ADAMTSL1: variants seen among roughly 807,000 people sequenced by gnomAD.
ADAMTSL1 encodes the protein ADAMTS like 1.
A neutral mutation model predicts 201.8 loss-of-function variants in ADAMTSL1; 126 were observed. The ratio of observed to expected loss-of-function variants is 0.62; its 90% CI spans 0.54 to 0.72. ADAMTSL1 has a LOEUF of 0.72. Ranked by LOEUF, ADAMTSL1 falls within the 30% of genes least tolerant of loss-of-function variation. The pLI, the probability that ADAMTSL1 is intolerant of heterozygous loss-of-function variation, is 0.00. For synonymous variants in ADAMTSL1, 1,121 were observed against 903.4 expected (o/e 1.24, Z -4.32); for missense variants, 2,679 against 2,277.8 (o/e 1.18, Z -3.59).
At chr9:18,006,688 T>G (rs769281807) in intron 1 of ADAMTSL1, among the ~76,000 whole-genome samples, 2 of 152,014 alleles carry the variant, frequency 1.3e-5, no homozygotes, top group Non-Finnish European at 2.9e-5. Flanking sequence ...TTGATTTGAT[T>G]AACTTCAGTG....
intron 26 of ADAMTSL1, among the ~76,000 whole-genome samples, chr9:18,903,866 T>C (rs1457616861): frequency 6.6e-6 from 1 of 150,544 alleles, no homozygotes; most frequent in South Asian, 2.1e-4. Context: ...AAAAAAAAAA[T>C]GTATAAGTGG....
chr9:18,108,196 ATTTTTTTTTT>A (rs5896770), intron 1 of ADAMTSL1, among the ~76,000 whole-genome samples: 1 of 125,570 alleles, frequency 8.0e-6, no homozygotes, highest in Non-Finnish European at 1.7e-5. Context: ...AGAGTGTGGA[ATTTTTTTTTT>A]TTTTTTTTTT....
intron 1 of ADAMTSL1, among the ~76,000 whole-genome samples, chr9:17,915,172 C>G (rs1377694208): frequency 6.6e-6 from 1 of 152,196 alleles, no homozygotes; most frequent in Non-Finnish European, 1.5e-5. Flanking sequence ...TTTGCAATGT[C>G]TTCCTCCCTC....
intron 2 of ADAMTSL1, among the ~76,000 whole-genome samples, chr9:18,208,291 C>G (rs1216245590): frequency 6.6e-6 from 1 of 152,094 alleles, no homozygotes; most frequent in African/African-American, 2.4e-5. Flanking sequence ...TTCTCTGTGT[C>G]TTTGGATAGG....
At chr9:18,898,263 G>A (rs1049057228) in intron 26 of ADAMTSL1, among the ~76,000 whole-genome samples, 4 of 152,180 alleles carry the variant, frequency 2.6e-5, no homozygotes, top group Non-Finnish European at 4.4e-5. Context: ...AAGAAGCCGA[G>A]AATCACAATA....
intron 2 of ADAMTSL1, among the ~76,000 whole-genome samples, chr9:18,316,130 T>C (rs1563881868): frequency 1.3e-5 from 2 of 152,132 alleles, no homozygotes; most frequent in East Asian, 3.9e-4. Flanking sequence ...AATGTGCGAA[T>C]AGGTGTGGGT....
intron 3 of ADAMTSL1, among the ~76,000 whole-genome samples, chr9:18,540,351 G>A (rs749009815): frequency 6.6e-6 from 1 of 152,196 alleles, no homozygotes; most frequent in Admixed American, 6.5e-5. Context: ...GCCGAGAAGC[G>A]ATAGTGAATG....
intron 2 of ADAMTSL1, among the ~76,000 whole-genome samples, chr9:18,374,047 A>T (rs561365836): frequency 1.6e-4 from 24 of 152,346 alleles, no homozygotes; most frequent in African/African-American, 5.8e-4. Flanking sequence ...GGAGTTTCAA[A>T]ATCATAAACA....
chr9:18,196,613 T>C (rs559210979), intron 2 of ADAMTSL1, among the ~76,000 whole-genome samples: 15 of 152,086 alleles, frequency 9.9e-5, no homozygotes, highest in South Asian at 8.3e-4. Flanking sequence ...TATTTGGGGG[T>C]GCTCTTCAAA....
At chr9:18,451,260 T>C (rs1820394183) in intron 2 of ADAMTSL1, among the ~76,000 whole-genome samples, 2 of 152,192 alleles carry the variant, frequency 1.3e-5, no homozygotes, top group Non-Finnish European at 2.9e-5. Context: ...CATACCTCAA[T>C]GTAAAGGGCA....
intron 13 of ADAMTSL1, among the ~76,000 whole-genome samples, chr9:18,702,072 A>C (rs1831956444): frequency 6.6e-6 from 1 of 152,162 alleles, no homozygotes; most frequent in African/African-American, 2.4e-5. Flanking sequence ...CAAAAAAGAG[A>C]GCTCGTGCAG....
At chr9:18,237,372 T>A (rs542106515) in intron 2 of ADAMTSL1, among the ~76,000 whole-genome samples, 4 of 152,374 alleles carry the variant, frequency 2.6e-5, no homozygotes, top group African/African-American at 9.6e-5. Context: ...CACTCTGTGT[T>A]GGCCCTTATA....
At chr9:18,762,941 A>G (rs1271819674) in intron 16 of ADAMTSL1, among the ~76,000 whole-genome samples, 2 of 152,160 alleles carry the variant, frequency 1.3e-5, no homozygotes, top group African/African-American at 2.4e-5. Context: ...TAGCTATTGT[A>G]AAGAATATAT....
At chr9:18,544,780 T>C (rs1820373611) in intron 3 of ADAMTSL1, among the ~76,000 whole-genome samples, 1 of 152,226 alleles carries the variant, frequency 6.6e-6, no homozygotes, top group Non-Finnish European at 1.5e-5. Flanking sequence ...AATATTGCCA[T>C]GATCAGTTGT....
At chr9:18,486,059 C>G (rs1821974692) in intron 1 of ADAMTSL1, among the ~76,000 whole-genome samples, 1 of 152,170 alleles carries the variant, frequency 6.6e-6, no homozygotes, top group Non-Finnish European at 1.5e-5. Context: ...TATAAAGTGC[C>G]AGCTGGGTGC....
chr9:18,031,948 T>G (rs758046231), intron 1 of ADAMTSL1, among the ~76,000 whole-genome samples: 3 of 152,138 alleles, frequency 2.0e-5, no homozygotes, highest in Non-Finnish European at 4.4e-5. Context: ...ATTGGTATGG[T>G]GCCCACAGCC....
rs116129228 is a variant in ADAMTSL1, at chr9:18,889,951, T to C, written c.4643+203T>C. Among the ~76,000 whole-genome samples, 1,197 of 152,178 alleles carry C rather than the reference T, an allele frequency of 7.9e-3. 24 individuals are homozygous for C. Among genetic ancestry groups the C allele is most frequent in the African/African-American group, 0.027 (1,135 of 41,534 alleles). On this transcript the variant is annotated intron_variant, in intron 25 of 28. Coordinates refer to ENST00000380548, the MANE Select transcript of ADAMTSL1 (RefSeq NM_001040272.6). ...GACTATGCCACCTCTCTCAGCTTTG[T>C]TTATTCCTCACCCCACTAATGGCCA...
chr9:18,797,212 C>G (rs1822477433), intron 20 of ADAMTSL1, among the ~76,000 whole-genome samples: 1 of 152,246 alleles, frequency 6.6e-6, no homozygotes, highest in African/African-American at 2.4e-5. Flanking sequence ...TAGGGAGCTG[C>G]ATCCTTGCAC....
intron 1 of ADAMTSL1, among the ~76,000 whole-genome samples, chr9:18,122,387 C>T (rs371385211): frequency 2.4e-4 from 36 of 152,254 alleles, no homozygotes; most frequent in Middle Eastern, 3.4e-3. Context: ...GAGTTTAATA[C>T]GCTGAGGCAA....
Sources: allele counts gnomAD v4.1 joint callset (sites outside exome capture counted in the v4.1 genomes callset), GRCh38; gene constraint gnomAD v4.1.1; transcripts MANE v1.5; gene names NCBI Gene and HGNC (gene_info 2026-07-23, HGNC 2026-07-21).